Variants in CPHXL2 observed in about 807,000 individuals in gnomAD.
CPHXL2 encodes the protein cytoplasmic polyadenylated homeobox-like protein 2.
chr16:75,670,952 C>T, the CPHXL2 span, among the ~76,000 whole-genome samples: 6 of 152,314 alleles, frequency 3.9e-5, no homozygotes, highest in African/African-American at 1.2e-4. Context: ...GGAATCTCCA[C>T]TCGGGCTATT....
At chr16:75,669,352 G>T in the CPHXL2 span, 1 of 400,384 alleles carries the variant, frequency 2.5e-6, no homozygotes, top group East Asian at 3.6e-5. Flanking sequence ...TGCATACGAG[G>T]TTGAACTTAC....
the CPHXL2 span, chr16:75,669,475 G>A: frequency 2.5e-6 from 1 of 400,452 alleles, no homozygotes; most frequent in Non-Finnish European, 4.4e-6. Context: ...TAATTCTTCA[G>A]AAAATTTATG....
chr16:75,672,560 T>C, the CPHXL2 span, among the ~76,000 whole-genome samples: 1 of 152,182 alleles, frequency 6.6e-6, no homozygotes, highest in East Asian at 1.9e-4. Context: ...GGTGCAGTCA[T>C]GGGTCACTGC....
chr16:75,661,137 T>C, the CPHXL2 span: 61 of 400,848 alleles, frequency 1.5e-4, no homozygotes, highest in African/African-American at 1.2e-3. Flanking sequence ...CTGGGTTTCC[T>C]GGAGGCTTAA....
At chr16:75,675,384 T>C in the CPHXL2 span, among the ~76,000 whole-genome samples, 98 of 152,106 alleles carry the variant, frequency 6.4e-4, no homozygotes, top group African/African-American at 2.3e-3. Context: ...TCAATGGTAT[T>C]GCATTGAGAG....
chr16:75,676,315 A>G, the CPHXL2 span, among the ~76,000 whole-genome samples: 1 of 152,084 alleles, frequency 6.6e-6, no homozygotes, highest in Non-Finnish European at 1.5e-5. Flanking sequence ...AGGAAAAAAA[A>G]ATACCTGGGA....
the CPHXL2 span, among the ~76,000 whole-genome samples, chr16:75,673,810 C>T: frequency 6.6e-6 from 1 of 150,960 alleles, no homozygotes; most frequent in Non-Finnish European, 1.5e-5. Flanking sequence ...AAAACCCTGT[C>T]TCTACCAAAA....
chr16:75,661,091 A>C, the CPHXL2 span: 1 of 400,734 alleles, frequency 2.5e-6, no homozygotes, highest in African/African-American at 2.1e-5. Context: ...TGGCACAGGA[A>C]AAACTCTGCT....
chr16:75,672,767 G>A, the CPHXL2 span, among the ~76,000 whole-genome samples: 1 of 152,140 alleles, frequency 6.6e-6, no homozygotes, highest in Non-Finnish European at 1.5e-5. Flanking sequence ...TGGGATACAG[G>A]CGTGAGCCAC....
the CPHXL2 span, among the ~76,000 whole-genome samples, chr16:75,674,716 ATAT>A: frequency 4.6e-5 from 7 of 151,896 alleles, no homozygotes; most frequent in African/African-American, 1.7e-4. Flanking sequence ...AATACCATTG[ATAT>A]TATTATTTGA....
chr16:75,660,844 C>G, the CPHXL2 span: 2 of 398,526 alleles, frequency 5.0e-6, no homozygotes, highest in Admixed American at 4.4e-5. Context: ...CCTGTGTCAC[C>G]TCCATACTCC....
chr16:75,662,306 C>CTTT, the CPHXL2 span, among the ~76,000 whole-genome samples: 8 of 142,138 alleles, frequency 5.6e-5, no homozygotes, highest in Admixed American at 5.6e-4. Flanking sequence ...CCCAAACCCA[C>CTTT]TTTTTTTTTT....
the CPHXL2 span, among the ~76,000 whole-genome samples, chr16:75,676,698 C>T: frequency 2.6e-5 from 4 of 152,114 alleles, no homozygotes; most frequent in Non-Finnish European, 5.9e-5. Flanking sequence ...ATTCAAACTT[C>T]CCCCCAAGAT....
At chr16:75,671,601 G>A in the CPHXL2 span, among the ~76,000 whole-genome samples, 1 of 152,092 alleles carries the variant, frequency 6.6e-6, no homozygotes, top group East Asian at 1.9e-4. Context: ...GCCTAAAGTA[G>A]TGCCTTATAA....
At chr16:75,676,601 C>G in the CPHXL2 span, among the ~76,000 whole-genome samples, 27 of 152,312 alleles carry the variant, frequency 1.8e-4, 1 homozygote, top group Admixed American at 1.7e-3. Context: ...GGATTACAGG[C>G]ATGAGCCACT....
the CPHXL2 span, among the ~76,000 whole-genome samples, chr16:75,663,783 G>C: frequency 1.3e-5 from 2 of 151,812 alleles, no homozygotes; most frequent in African/African-American, 4.8e-5. Flanking sequence ...TTACTCAGGA[G>C]GCTGAGGCAG....
chr16:75,661,126 C>T, the CPHXL2 span: 4 of 400,664 alleles, frequency 1.0e-5, no homozygotes, highest in Non-Finnish European at 1.3e-5. Flanking sequence ...GAAGCTGCAG[C>T]CTGGGTTTCC....
chr16:75,666,884 T>G, the CPHXL2 span, among the ~76,000 whole-genome samples: 1 of 152,142 alleles, frequency 6.6e-6, no homozygotes, highest in Non-Finnish European at 1.5e-5. Flanking sequence ...AAGGACTCTC[T>G]CAGACCACAG....
At chr16:75,662,622 A>G in the CPHXL2 span, among the ~76,000 whole-genome samples, 1,077 of 152,114 alleles carry the variant, frequency 7.1e-3, 13 homozygotes, top group African/African-American at 0.025. Context: ...GACCAAATAT[A>G]TATATTTAGA....
Sources: gnomAD v4.1 joint callset for allele counts (sites outside exome capture counted in the v4.1 genomes callset) on GRCh38, gnomAD v4.1.1 for gene constraint, MANE v1.5 for transcripts, NCBI Gene and HGNC (gene_info 2026-07-23, HGNC 2026-07-21) for gene names.